Variants in RTN4 observed in about 807,000 individuals in gnomAD.
The protein encoded by RTN4 is reticulon 4, also known as reticulon-4.
RTN4 carries 32 observed loss-of-function variants against 90.4 expected under a neutral mutation model. That is an observed-to-expected ratio of 0.35 (90% confidence interval 0.27 to 0.48). RTN4 has a LOEUF of 0.48. RTN4 is among the 20% of genes least tolerant of loss of function. RTN4 has a pLI of 0.99. For synonymous variants in RTN4, 629 were observed against 552.5 expected, an observed-to-expected ratio of 1.14 and a Z score of -1.94; for missense variants, 1,706 against 1,430.2, an observed-to-expected ratio of 1.19 and a Z score of -3.11.
At chr2:54,973,783 T>C in intron 7 of RTN4, 38 bp downstream of exon 7, 1 of 1,568,542 alleles carries the variant, frequency 6.4e-7, no homozygotes. Context: ...ATAGAGTGAG[T>C]GCTCTATTCT....
At chr2:55,042,691 A>G (rs1025008924) in intron 1 of RTN4, among the ~76,000 whole-genome samples, 1 of 152,204 alleles carries the variant, frequency 6.6e-6, no homozygotes, top group African/African-American at 2.4e-5. Context: ...TGGGATTTTT[A>G]TTGAGAGAAG....
At chr2:55,062,716 T>C (rs1446864860) in intron 2 of RTN4, among the ~76,000 whole-genome samples, 1 of 152,230 alleles carries the variant, frequency 6.6e-6, no homozygotes, top group East Asian at 1.9e-4. Flanking sequence ...TGTTCTTTCA[T>C]GGACAGAAGT....
In RTN4 at chr2:54,989,234, G is replaced by A. The variant is rs545155983; in HGVS notation, c.3014-1536C>T. On this transcript the variant is annotated intron_variant, in intron 3 of 8. Coordinates refer to ENST00000337526, the MANE Select transcript of RTN4 (RefSeq NM_020532.5). Reference sequence around the variant, plus strand: ...TTTTAAATGCCCATCACTGTGTCCAGTACATAGCAGGGATTCAAACACTTA... The same window carrying A: ...TTTTAAATGCCCATCACTGTGTCCAATACATAGCAGGGATTCAAACACTTA... Among the ~76,000 whole-genome samples, 4 of 152,324 alleles carry A rather than the reference G, an allele frequency of 2.6e-5. No homozygotes were observed. In the South Asian group the frequency reaches 6.2e-4, roughly 24 times the overall value.
intron 3 of RTN4, among the ~76,000 whole-genome samples, chr2:54,998,760 A>C (rs1679639261): frequency 6.6e-6 from 1 of 152,216 alleles, no homozygotes; most frequent in African/African-American, 2.4e-5. Flanking sequence ...AATAAAGGAC[A>C]CCTTTCAATA....
intron 2 of RTN4, among the ~76,000 whole-genome samples, chr2:55,064,044 G>A (rs1379797939): frequency 6.6e-6 from 1 of 151,814 alleles, no homozygotes; most frequent in Non-Finnish European, 1.5e-5. Flanking sequence ...AACAAAGTGA[G>A]ACCCTCTCTC....
intron 3 of RTN4, 34 bp from the exon 4 acceptor site, chr2:54,987,732 G>A: frequency 6.6e-7 from 1 of 1,521,908 alleles, no homozygotes; most frequent in Non-Finnish European, 9.0e-7. Flanking sequence ...AAATTAGAAT[G>A]TTATTTTATC....
At chr2:55,019,942 C>T (rs1285903750) in intron 3 of RTN4, among the ~76,000 whole-genome samples, 1 of 151,784 alleles carries the variant, frequency 6.6e-6, no homozygotes, top group African/African-American at 2.4e-5. Flanking sequence ...AAGTAGGAAA[C>T]TCCATTTGCA....
At chr2:55,075,623 A>T (rs551456775) in intron 2 of RTN4, among the ~76,000 whole-genome samples, 2 of 152,300 alleles carry the variant, frequency 1.3e-5, no homozygotes, top group East Asian at 3.9e-4. Flanking sequence ...AAAAGAGCTC[A>T]TATAGCCAAA....
chr2:54,999,320 G>A (rs564133644), intron 3 of RTN4, among the ~76,000 whole-genome samples: 2 of 152,274 alleles, frequency 1.3e-5, no homozygotes, highest in East Asian at 3.9e-4. Flanking sequence ...ACTGTCATCT[G>A]CCATAGCTAA....
At chr2:55,067,412 ATTT>A (rs10719347) in intron 2 of RTN4, among the ~76,000 whole-genome samples, 10 of 141,342 alleles carry the variant, frequency 7.1e-5, no homozygotes, top group Admixed American at 2.2e-4. Context: ...CCATATTGCA[ATTT>A]TTTTTTTTTT....
rs575808508 is a variant in RTN4, at chr2:55,026,940, A to T, written c.1159T>A (p.Phe387Ile). Residue 387 changes from phenylalanine to isoleucine, a missense_variant, in exon 3 of 9, where the codon TTC (phenylalanine) becomes ATC (isoleucine). Coordinates refer to ENST00000337526, the MANE Select transcript of RTN4 (RefSeq NM_020532.5). ...TCCCATACTCGCTCAAATGGTTTGA[A>T]GTCTGCATATTCCTCCCTCATAGGA... is the stretch of plus-strand genomic sequence containing the variant. ...EAPMREEYAD[F>I]KPFERVWEVK... is the part of the protein sequence containing the mutation. The T allele has an allele frequency of 1.9e-6, 3 of 1,613,628 alleles. No homozygotes were observed. The South Asian group carries it at 3.3e-5, about 18-fold the overall frequency.
At position 55,028,161 on chromosome 2, in the gene RTN4, TG is replaced by T; in HGVS notation, c.613+2del. On this transcript the variant is annotated splice_donor_variant, in intron 2 of 8. Coordinates refer to ENST00000337526, the MANE Select transcript of RTN4 (RefSeq NM_020532.5). LOFTEE classifies it high-confidence loss of function. The stretch of plus-strand genomic sequence containing the variant: ...GGATAAAAGGCTGGCAGAAAGAACT[TG>T]CCTGCAGAGGAGCGTATCACAGGCT... 6.2e-7 allele frequency: 1 copy of T among 1,611,898 alleles called. No individual in the cohort carries two copies. Among genetic ancestry groups the T allele is most frequent in the Non-Finnish European group, 8.5e-7 (1 of 1,178,986 alleles).
rs3739104 is a variant in RTN4, at chr2:54,973,294, A to G, written c.3537-96T>C. 2.4e-5 allele frequency: 27 copies of G among 1,121,242 alleles called. No individual in the cohort carries two copies. In the East Asian group the frequency reaches 6.8e-4, roughly 28 times the overall value. 69.5% of individuals were successfully genotyped at this position (1,121,242 alleles called of 1,614,324 possible). On this transcript the variant is annotated intron_variant, in intron 8 of 8. Coordinates refer to ENST00000337526, the MANE Select transcript of RTN4 (RefSeq NM_020532.5). ...TACTTGTATGTTATTCAGCTAATAC[A>G]ATAAATGAAATCCTTAAAGCTGCCT...
intron 3 of RTN4, among the ~76,000 whole-genome samples, chr2:54,988,390 C>G (rs1323101283): frequency 6.6e-6 from 1 of 152,040 alleles, no homozygotes; most frequent in Non-Finnish European, 1.5e-5. Context: ...TAAATATATT[C>G]CAATAACAGA....
At chr2:55,112,436 C>T (rs879491788) in intron 1 of RTN4, 1 of 152,302 alleles carries the variant, frequency 6.6e-6, no homozygotes, top group Non-Finnish European at 1.5e-5. Flanking sequence ...ACACTACTGG[C>T]TTTAGAGCAG....
intron 5 of RTN4, 96 bp from the exon 6 acceptor site, chr2:54,974,860 A>C: frequency 1.1e-6 from 1 of 934,190 alleles, no homozygotes; most frequent in East Asian, 2.5e-5. Flanking sequence ...CCTACCTACA[A>C]AAGGCATACA....
At chr2:55,050,923 C>T (rs1385998758), upstream of RTN4, 2 of 152,086 alleles carry the variant, frequency 1.3e-5, no homozygotes, top group Non-Finnish European at 2.9e-5. The surrounding 1 kb of genome is among the most constrained non-coding windows in gnomAD (Gnocchi z 4.6). Flanking sequence ...CCTGGGGGAA[C>T]TGAGAGTGGA....
At chr2:54,976,417 T>A (rs1024575712) in intron 5 of RTN4, among the ~76,000 whole-genome samples, 12 of 152,264 alleles carry the variant, frequency 7.9e-5, no homozygotes, top group African/African-American at 2.9e-4. Flanking sequence ...GCAGGTGACA[T>A]ACATGTATGT....
chr2:55,110,759 G>A lies in RTN4; in HGVS notation c.-214+1761C>T, dbSNP rs189862309. Among the ~76,000 whole-genome samples the A allele has an allele frequency of 1.7e-3, 258 of 152,306 alleles. 1 individual carries two copies. Among genetic ancestry groups the A allele is most frequent in the African/African-American group, 5.9e-3 (247 of 41,564 alleles). On this transcript the variant is annotated intron_variant, in intron 1 of 3. Coordinates refer to the RTN4 transcript ENST00000427710. ...ACAGATTAAAAATATATCTACGCCA[G>A]GCCAGGCACGGTAGCTCATGCCTAT...
Sources: allele counts gnomAD v4.1 joint callset (sites outside exome capture counted in the v4.1 genomes callset), GRCh38; gene constraint gnomAD v4.1.1; non-coding constraint Gnocchi (gnomAD v3.1); transcripts MANE v1.5; gene names NCBI Gene and HGNC (gene_info 2026-07-23, HGNC 2026-07-21).